NUDCD2: variants seen among roughly 807,000 people sequenced by gnomAD.
NUDCD2 encodes the protein nudC domain-containing protein 2.
In NUDCD2, 16 loss-of-function variants were observed where a neutral mutation model predicts 20.8. The observed-to-expected ratio is 0.77, with a 90% CI of 0.52 to 1.17. The LOEUF (loss-of-function observed/expected upper bound fraction) is 1.17, where lower values mean the gene tolerates loss of function less well. Among genes scored for constraint, NUDCD2 ranks in the 50% most tolerant of loss-of-function variants. The pLI is 0.00. For synonymous variants in NUDCD2, 87 were observed against 72.8 expected (o/e 1.20, Z -1.00); for missense variants, 199 against 193.9 (o/e 1.03, Z -0.16).
At position 163,459,907 on chromosome 5, in the gene NUDCD2, C is replaced by G. The variant is rs1451172503; in HGVS notation, c.144G>C (p.Gln48His). 1.9e-6 allele frequency: 3 copies of G among 1,612,408 alleles called. No homozygotes were observed. The highest frequency in any genetic ancestry group is 2.2e-5 in the East Asian group (1 of 44,748). ...CCACCGACAGCGCCACATGCCGGCTCTGGAGGCCGCACTGGATATCCTGGG... is the reference window on the plus strand; with the variant it reads ...CCACCGACAGCGCCACATGCCGGCTGTGGAGGCCGCACTGGATATCCTGGG... The part of the protein sequence containing the change: ...TRAQDIQCGL[Q>H]SRHVALSVGG... Residue 48 changes from glutamine to histidine, a missense_variant, in exon 1 of 4, where the codon CAG (glutamine) becomes CAC (histidine). Physicochemically the swap from Gln to His is conservative, Grantham distance 24. Transcript: ENST00000302764.
chr5:163,449,040 G>C lies in NUDCD2; in HGVS notation c.*4927C>G, dbSNP rs1183671376. ...TTCAAAATCCTAAGATCCAGAACAA[G>C]ACTGAGATGGCCACTTTCTCCATGT... On this transcript the variant is annotated 3_prime_UTR_variant, in exon 4 of 4. Transcript: ENST00000302764. 6.6e-6 allele frequency: 1 copy of C among 152,196 alleles called. No individual in the cohort carries two copies. Among genetic ancestry groups the C allele is most frequent in the African/African-American group, 2.4e-5 (1 of 41,448 alleles). 9.4% of individuals were successfully genotyped at this position (152,196 alleles called of 1,614,324 possible).
intron 3 of NUDCD2, among the ~76,000 whole-genome samples, chr5:163,455,082 T>C (rs901409527): frequency 6.6e-6 from 1 of 151,854 alleles, no homozygotes; most frequent in African/African-American, 2.4e-5. Flanking sequence ...GTGGGCCAAA[T>C]TTGGCCCAAG....
At position 163,457,429 on chromosome 5, in the gene NUDCD2, T is replaced by A. The variant is rs552237849; in HGVS notation, c.238+133A>T. On this transcript the variant is annotated intron_variant, in intron 2 of 3. Coordinates refer to ENST00000302764, the MANE Select transcript of NUDCD2 (RefSeq NM_145266.6). ...CTCCCCCCACTAGGTAACTTTGACA[T>A]ACAACGGTTTTCAACACATTTCTAT... 21 of 646,486 alleles carry A rather than the reference T, an allele frequency of 3.2e-5. No individual in the cohort carries two copies. The African/African-American group carries it at 3.7e-4, about 11-fold the overall frequency. The allele number at this position is 646,486 out of a possible 1,614,324, so 40.0% of individuals were successfully genotyped here. A position where few individuals can be genotyped will look rare whatever the true frequency, so the allele number is the denominator to read the frequency against.
intron 1 of NUDCD2, 151 bp downstream of exon 1, chr5:163,459,711 G>T: frequency 3.6e-6 from 2 of 563,234 alleles, no homozygotes; most frequent in Admixed American, 3.7e-5. Context: ...AGAGGCGGGG[G>T]CTCTGACCAG....
At chr5:163,459,800 G>T (rs1758432262) in intron 1 of NUDCD2, 62 bp downstream of exon 1, 1 of 1,454,664 alleles carries the variant, frequency 6.9e-7, no homozygotes. Context: ...AGTCGTTCAG[G>T]GAAACGGGGC....
chr5:163,455,270 G>A (rs1485103314), intron 3 of NUDCD2, among the ~76,000 whole-genome samples: 3 of 152,220 alleles, frequency 2.0e-5, no homozygotes, highest in Admixed American at 2.0e-4. Flanking sequence ...GAGCATTGCA[G>A]TCAGGATAGC....
In NUDCD2 at chr5:163,446,839, A is replaced by AC. The variant is rs1758049041; in HGVS notation, c.*7127dup. The AC allele has an allele frequency of 6.6e-6, 1 of 152,148 alleles. No individual in the cohort carries two copies. The highest frequency in any genetic ancestry group is 6.5e-5 in the Admixed American group (1 of 15,288). The allele number at this position is 152,148 out of a possible 1,614,324, so 9.4% of individuals were successfully genotyped here. A position where few individuals can be genotyped will look rare whatever the true frequency, so the allele number is the denominator to read the frequency against. On this transcript the variant is annotated 3_prime_UTR_variant, in exon 4 of 4. Coordinates refer to ENST00000302764, the MANE Select transcript of NUDCD2 (RefSeq NM_145266.6). ...AGACCAGCATGGCCAACATGGTGAA[A>AC]CCCCATCTCTACTAAAAATACAAAA...
At position 163,453,171 on chromosome 5, in the gene NUDCD2, ATT is replaced by A. The variant is rs1007431053; in HGVS notation, c.*794_*795del. The A allele has an allele frequency of 2.3e-4, 35 of 152,218 alleles. No individual in the cohort carries two copies. Among genetic ancestry groups the A allele is most frequent in the African/African-American group, 8.2e-4 (34 of 41,456 alleles). 9.4% of individuals were successfully genotyped at this position (152,218 alleles called of 1,614,324 possible). ...AACTTTTCTATGCATGAGATTTAAA[ATT>A]TTTTCAAGAGTTAAAAAGGGCAAAA... On this transcript the variant is annotated 3_prime_UTR_variant, in exon 4 of 4. Coordinates refer to ENST00000302764, the MANE Select transcript of NUDCD2 (RefSeq NM_145266.6).
Position 163,449,808 on chromosome 5 carries a change from G to A in NUDCD2, c.*4159C>T, listed in dbSNP as rs558398945. ...AAAGGTGAAAAGACAACTCAATGGG[G>A]AATGGAGAGTTTTTCAACAGACGAT... is the stretch of plus-strand genomic sequence containing the variant. On this transcript the variant is annotated 3_prime_UTR_variant, in exon 4 of 4. Transcript: ENST00000302764. The A allele has an allele frequency of 1.3e-5, 2 of 152,264 alleles. No individual in the cohort carries two copies. The highest frequency in any genetic ancestry group is 2.9e-5 in the Non-Finnish European group (2 of 68,016). The allele number at this position is 152,264 out of a possible 1,614,324, so 9.4% of individuals were successfully genotyped here. A position where few individuals can be genotyped will look rare whatever the true frequency, so the allele number is the denominator to read the frequency against.
intron 3 of NUDCD2, among the ~76,000 whole-genome samples, chr5:163,456,657 C>T (rs2113422915): frequency 6.6e-6 from 1 of 152,212 alleles, no homozygotes; most frequent in South Asian, 2.1e-4. Flanking sequence ...ATTGATTCAA[C>T]TATAGTAAGA....
intron 1 of NUDCD2, among the ~76,000 whole-genome samples, chr5:163,458,011 C>T (rs887218304): frequency 3.8e-5 from 3 of 78,872 alleles, no homozygotes; most frequent in African/African-American, 1.5e-4. Flanking sequence ...TTTTTTGAGA[C>T]AGAGTTTCGC....
intron 1 of NUDCD2, 86 bp from the exon 2 acceptor site, chr5:163,457,696 C>A: frequency 1.2e-6 from 1 of 844,792 alleles, no homozygotes; most frequent in Admixed American, 1.9e-5. Flanking sequence ...ACTTTCCTAC[C>A]TAATCCACAT....
chr5:163,458,792 G>C (rs1355537358), intron 1 of NUDCD2, among the ~76,000 whole-genome samples: 1 of 146,162 alleles, frequency 6.8e-6, no homozygotes, highest in African/African-American at 2.6e-5. Flanking sequence ...GCTAAATTCC[G>C]AAAGTTACTG....
chr5:163,447,230 T>C lies in NUDCD2; in HGVS notation c.*6737A>G, dbSNP rs950346603. The C allele has an allele frequency of 4.6e-5, 7 of 152,714 alleles. No individual in the cohort carries two copies. Among genetic ancestry groups the C allele is most frequent in the Admixed American group, 3.3e-4 (5 of 15,272 alleles). 9.5% of individuals were successfully genotyped at this position (152,714 alleles called of 1,614,324 possible). A position where few individuals can be genotyped will look rare whatever the true frequency, so the allele number is the denominator to read the frequency against. ...GCTTTGGGAAGCCAAGGTGGGAGGA[T>C]TGCTTGAGGCCAAGAGTTCAAGACC... On this transcript the variant is annotated 3_prime_UTR_variant, in exon 4 of 4. Transcript: ENST00000302764.
chr5:163,449,634 A>T lies in NUDCD2; in HGVS notation c.*4333T>A, dbSNP rs1361892920. 6.6e-6 allele frequency: 1 copy of T among 152,238 alleles called. No individual in the cohort carries two copies. The highest frequency in any genetic ancestry group is 1.5e-5 in the Non-Finnish European group (1 of 68,038). The allele number at this position is 152,238 out of a possible 1,614,324, so 9.4% of individuals were successfully genotyped here. A position where few individuals can be genotyped will look rare whatever the true frequency, so the allele number is the denominator to read the frequency against. On this transcript the variant is annotated 3_prime_UTR_variant, in exon 4 of 4. Coordinates refer to ENST00000302764, the MANE Select transcript of NUDCD2 (RefSeq NM_145266.6). ...ACAATTTTGAAAAAGATTTCAAAAAAATTTTGAAGGAATCATGCTGCCCAG... is the reference window on the plus strand; with the variant it reads ...ACAATTTTGAAAAAGATTTCAAAAATATTTTGAAGGAATCATGCTGCCCAG...
At position 163,448,864 on chromosome 5, in the gene NUDCD2, A is replaced by G. The variant is rs1011721918; in HGVS notation, c.*5103T>C. On this transcript the variant is annotated 3_prime_UTR_variant, in exon 4 of 4. Transcript: ENST00000302764. ...TTTAACAGTCTAAACAAAAAGAATG[A>G]CCAAACTGATACAGAAAGAGCATAG... is the stretch of plus-strand genomic sequence containing the variant. 12 of 152,226 alleles carry G rather than the reference A, an allele frequency of 7.9e-5. No individual in the cohort carries two copies. The highest frequency in any genetic ancestry group is 2.9e-4 in the African/African-American group (12 of 41,462). The allele number at this position is 152,226 out of a possible 1,614,324, so 9.4% of individuals were successfully genotyped here.
chr5:163,450,108 A>G lies in NUDCD2; in HGVS notation c.*3859T>C, dbSNP rs546093092. 2.6e-5 allele frequency: 4 copies of G among 152,218 alleles called. No individual in the cohort carries two copies. The highest frequency in any genetic ancestry group is 9.7e-5 in the African/African-American group (4 of 41,440). 9.4% of individuals were successfully genotyped at this position (152,218 alleles called of 1,614,324 possible). On this transcript the variant is annotated 3_prime_UTR_variant, in exon 4 of 4. Coordinates refer to ENST00000302764, the MANE Select transcript of NUDCD2 (RefSeq NM_145266.6). ...TCTACTAAAAATAAAAAATAAAAAA[A>G]AAATGGGCTGGGAGTGGTGGTGCAC...
chr5:163,456,924 C>T lies in NUDCD2; in HGVS notation c.390+5G>A, dbSNP rs1455028733. On this transcript the variant is annotated splice_donor_5th_base_variant and intron_variant, in intron 3 of 3. Transcript: ENST00000302764. ...ACACATACTCATACACTTCATCTGA[C>T]TTACTTCTTTTTGGAATCTCTCTAA... 3 of 1,596,428 alleles carry T rather than the reference C, an allele frequency of 1.9e-6. No homozygotes were observed. In the Admixed American group the frequency reaches 5.2e-5, roughly 28 times the overall value.
At position 163,454,250 on chromosome 5, in the gene NUDCD2, T is replaced by C. The variant is rs146073488; in HGVS notation, c.391-200A>G. Among the ~76,000 whole-genome samples the C allele has an allele frequency of 7.1e-3, 1,082 of 152,290 alleles. 13 individuals are homozygous for C. Among genetic ancestry groups the C allele is most frequent in the African/African-American group, 0.025 (1,023 of 41,552 alleles). On this transcript the variant is annotated intron_variant, in intron 3 of 3. Coordinates refer to ENST00000302764, the MANE Select transcript of NUDCD2 (RefSeq NM_145266.6). ...CCCAGTTACAAATATTTAGACATCA[T>C]ATGTACACTACAATGTTGGCAAGTG...
Sources: allele counts gnomAD v4.1 joint callset (sites outside exome capture counted in the v4.1 genomes callset), GRCh38; gene constraint gnomAD v4.1.1; transcripts MANE v1.5; gene names NCBI Gene and HGNC (gene_info 2026-07-23, HGNC 2026-07-21).